SPATS2: variants seen among roughly 807,000 people sequenced by gnomAD.
SPATS2 encodes spermatogenesis associated serine rich 2, also known as spermatogenesis-associated serine-rich protein 2.
SPATS2 carries 38 observed loss-of-function variants against 63.7 expected under a neutral mutation model. The observed-to-expected ratio is 0.60, with a 90% CI of 0.46 to 0.78. SPATS2 has a LOEUF of 0.78. Among genes scored for constraint, SPATS2 ranks in the 30% least tolerant of loss-of-function variants. The pLI is 0.00. For synonymous variants in SPATS2, 207 were observed against 232.9 expected (o/e 0.89, Z 1.01); for missense variants, 588 against 666.2 (o/e 0.88, Z 1.29).
intron 2 of SPATS2, among the ~76,000 whole-genome samples, chr12:49,428,209 A>C (rs1945116375): frequency 6.6e-6 from 1 of 151,964 alleles, no homozygotes; most frequent in Non-Finnish European, 1.5e-5. Context: ...GAGTCGAGAT[A>C]GCGCCACTGC....
Position 49,469,058 on chromosome 12 carries a change from A to G in SPATS2, c.25+8021A>G, listed in dbSNP as rs372688631. Among the ~76,000 whole-genome samples the G allele has an allele frequency of 4.7e-4, 72 of 151,836 alleles. No individual in the cohort carries two copies. The South Asian group carries it at 0.012, about 26-fold the overall frequency. ...GTATCACTTGAGATCAGGAGTTTGA[A>G]ACTAGCCTGAGTAACACAGTGAGAC... is the stretch of plus-strand genomic sequence containing the variant. On this transcript the variant is annotated intron_variant, in intron 3 of 13. Coordinates refer to ENST00000552918, the MANE Select transcript of SPATS2 (RefSeq NM_023071.4).
chr12:49,511,751 T>G (rs1946757182), intron 9 of SPATS2, among the ~76,000 whole-genome samples: 1 of 152,242 alleles, frequency 6.6e-6, no homozygotes, highest in South Asian at 2.1e-4. Context: ...TGTTAAAAGT[T>G]GTGTTACAAT....
At chr12:49,519,018 C>T in intron 10 of SPATS2, 55 bp from the exon 11 acceptor site, 1 of 1,419,220 alleles carries the variant, frequency 7.0e-7, no homozygotes, top group Non-Finnish European at 9.8e-7. Flanking sequence ...ATTTCTAGTT[C>T]TTCTTTATCC....
intron 2 of SPATS2, among the ~76,000 whole-genome samples, chr12:49,458,163 T>C (rs533768306): frequency 1.1e-4 from 17 of 152,230 alleles, no homozygotes; most frequent in African/African-American, 3.6e-4. Flanking sequence ...ATAATCCTTA[T>C]AATGCTTAAA....
chr12:49,401,064 A>G (rs556864854), intron 2 of SPATS2, among the ~76,000 whole-genome samples: 1 of 151,854 alleles, frequency 6.6e-6, no homozygotes, highest in Non-Finnish European at 1.5e-5. Flanking sequence ...TTTTGTAGAG[A>G]CAAAGTCTTA....
intron 2 of SPATS2, among the ~76,000 whole-genome samples, chr12:49,412,345 C>T (rs1254612180): frequency 6.6e-6 from 1 of 151,810 alleles, no homozygotes; most frequent in African/African-American, 2.4e-5. Context: ...TAGGTATGCG[C>T]CACCATGCCC....
intron 2 of SPATS2, among the ~76,000 whole-genome samples, chr12:49,449,184 A>G (rs1178255306): frequency 6.6e-6 from 1 of 152,048 alleles, no homozygotes; most frequent in African/African-American, 2.4e-5. Context: ...ATGGAGGAGT[A>G]TTACTGATTT....
At chr12:49,373,597 G>A (rs1220490335) in intron 2 of SPATS2, among the ~76,000 whole-genome samples, 8 of 133,780 alleles carry the variant, frequency 6.0e-5, no homozygotes, top group Non-Finnish European at 1.1e-4. Flanking sequence ...TTTGAGACCA[G>A]CTTGGGCAAC....
At position 49,367,602 on chromosome 12, in the gene SPATS2, G is replaced by A; in HGVS notation, c.-307+15G>A. 1 of 397,754 alleles carries A rather than the reference G, an allele frequency of 2.5e-6. No homozygotes were observed. 24.6% of individuals were successfully genotyped at this position (397,754 alleles called of 1,614,324 possible). A position where few individuals can be genotyped will look rare whatever the true frequency, so the allele number is the denominator to read the frequency against. On this transcript the variant is annotated intron_variant, in intron 1 of 13. Transcript: ENST00000552918. ...GCCTGGGCTAGGTGAGGCTAAGGGT[G>A]CTGGGTGGCGGGGTTGGCGGGGGCT...
Position 49,380,833 on chromosome 12 carries a change from C to A in SPATS2, c.-244+9543C>A, listed in dbSNP as rs1052191612. ...TTTGTTTGAATACCTGTTTTGAGTTCTTTTGTGTCTATACCTAAAAGTGGA... is the reference window on the plus strand; with the variant it reads ...TTTGTTTGAATACCTGTTTTGAGTTATTTTGTGTCTATACCTAAAAGTGGA... On this transcript the variant is annotated intron_variant, in intron 2 of 13. Coordinates refer to ENST00000552918, the MANE Select transcript of SPATS2 (RefSeq NM_023071.4). Among the ~76,000 whole-genome samples the A allele has an allele frequency of 2.7e-5, 4 of 149,240 alleles. No individual in the cohort carries two copies. The East Asian group carries it at 7.8e-4, about 29-fold the overall frequency.
intron 9 of SPATS2, among the ~76,000 whole-genome samples, chr12:49,506,845 A>G (rs1373301698): frequency 6.6e-6 from 1 of 152,082 alleles, no homozygotes; most frequent in Non-Finnish European, 1.5e-5. Context: ...TTAAAAAAAA[A>G]AAAAAAAATT....
intron 2 of SPATS2, among the ~76,000 whole-genome samples, chr12:49,398,135 C>CAAAAA (rs71080193): frequency 0.032 from 1,411 of 43,588 alleles, 67 homozygotes; most frequent in Middle Eastern, 0.054. Flanking sequence ...GACCCTGTCT[C>CAAAAA]AAAAAAAAAA....
intron 9 of SPATS2, among the ~76,000 whole-genome samples, chr12:49,509,888 C>T (rs146639731): frequency 2.0e-5 from 3 of 151,244 alleles, no homozygotes; most frequent in African/African-American, 7.3e-5. Flanking sequence ...AAGAGGAAAC[C>T]GTCTTCAAAG....
At chr12:49,437,158 G>A (rs1350168725) in intron 2 of SPATS2, among the ~76,000 whole-genome samples, 11 of 151,816 alleles carry the variant, frequency 7.2e-5, no homozygotes, top group African/African-American at 2.4e-4. Flanking sequence ...CAGACGGGGC[G>A]GTTGCCAGGC....
intron 9 of SPATS2, among the ~76,000 whole-genome samples, chr12:49,513,574 A>G (rs1313840766): frequency 6.6e-6 from 1 of 152,188 alleles, no homozygotes; most frequent in Non-Finnish European, 1.5e-5. Flanking sequence ...CTAATTGCCT[A>G]TTTAATGTTC....
At chr12:49,389,819 G>T (rs1774260642) in intron 2 of SPATS2, 1 of 945,944 alleles carries the variant, frequency 1.1e-6, no homozygotes, top group Non-Finnish European at 1.8e-6. Flanking sequence ...AACTTACGAT[G>T]AGCAAGTATC....
rs1324905088 is a variant in SPATS2 at position 49,375,168 on chromosome 12, GTGTGTGTGTGTGTGTGTGTGTGTGT to G, written c.-244+3879_-244+3903del. On this transcript the variant is annotated intron_variant, in intron 2 of 13. Coordinates refer to ENST00000552918, the MANE Select transcript of SPATS2 (RefSeq NM_023071.4). ...TGTGTGTGTGTGTGTGTGTGTGTGT[GTGTGTGTGTGTGTGTGTGTGTGTGT>G]GTGGTGGTAGTGGTCTTTAGAATTT... is the stretch of plus-strand genomic sequence containing the variant. 2.7e-4 allele frequency among the ~76,000 whole-genome samples: 36 copies of G among 134,560 alleles called. 1 individual carries two copies. Among genetic ancestry groups the G allele is most frequent in the African/African-American group, 1.0e-3 (33 of 31,550 alleles). 88.3% of individuals were successfully genotyped at this position (134,560 alleles called of 152,430 possible). A position where few individuals can be genotyped will look rare whatever the true frequency, so the allele number is the denominator to read the frequency against.
chr12:49,394,425 A>G (rs978750885), intron 2 of SPATS2, among the ~76,000 whole-genome samples: 8 of 151,858 alleles, frequency 5.3e-5, no homozygotes, highest in Non-Finnish European at 8.8e-5. Flanking sequence ...CATTAAATCT[A>G]TTGAATCAGT....
intron 3 of SPATS2, among the ~76,000 whole-genome samples, chr12:49,466,611 T>C (rs1225724501): frequency 1.3e-5 from 2 of 152,238 alleles, no homozygotes; most frequent in East Asian, 3.8e-4. Flanking sequence ...CAGTAGACCA[T>C]GTGAAGATTT....
Sources: gnomAD v4.1 joint callset for allele counts (sites outside exome capture counted in the v4.1 genomes callset) on GRCh38, gnomAD v4.1.1 for gene constraint, MANE v1.5 for transcripts, NCBI Gene and HGNC (gene_info 2026-07-23, HGNC 2026-07-21) for gene names.